Variants in NR3C2 observed in about 807,000 individuals in gnomAD.
NR3C2 encodes the protein nuclear receptor subfamily 3 group C member 2.
Under a neutral mutation model 86.4 loss-of-function variants are expected in NR3C2, and 15 were observed. The observed-to-expected ratio is 0.17, with a 90% CI of 0.12 to 0.27. NR3C2 has a LOEUF of 0.27. Ranked by LOEUF, NR3C2 falls within the 10% of genes least tolerant of loss-of-function variation. The pLI, the probability that NR3C2 is intolerant of heterozygous loss-of-function variation, is 1.00. For missense variants in NR3C2, 960 were observed against 1,195.6 expected, an observed-to-expected ratio of 0.80 and a Z score of 2.91; for synonymous variants, 458 against 450.5, an observed-to-expected ratio of 1.02 and a Z score of -0.21.
chr4:148,432,799 C>T (rs553069322), intron 2 of NR3C2, among the ~76,000 whole-genome samples: 6 of 152,196 alleles, frequency 3.9e-5, no homozygotes, highest in Admixed American at 3.9e-4. Context: ...GTAGACTGAA[C>T]TCTAGAAAAA....
intron 4 of NR3C2, among the ~76,000 whole-genome samples, chr4:148,171,671 C>A (rs183754149): frequency 6.6e-6 from 1 of 152,220 alleles, no homozygotes; most frequent in Non-Finnish European, 1.5e-5. Flanking sequence ...TCCTGCTGTG[C>A]GGCCCAGTTC....
intron 2 of NR3C2, among the ~76,000 whole-genome samples, chr4:148,291,239 AT>A (rs910477664): frequency 4.6e-5 from 7 of 151,422 alleles, no homozygotes; most frequent in African/African-American, 7.3e-5. Flanking sequence ...ATGACTTAGG[AT>A]TTTTTTTTCC....
intron 6 of NR3C2, among the ~76,000 whole-genome samples, chr4:148,141,487 G>A (rs1296148116): frequency 1.3e-5 from 2 of 151,568 alleles, no homozygotes; most frequent in Admixed American, 1.3e-4. Flanking sequence ...TAGACACTAT[G>A]GATAACTTTA....
intron 6 of NR3C2, among the ~76,000 whole-genome samples, chr4:148,151,394 G>A (rs938412298): frequency 1.3e-5 from 2 of 152,166 alleles, no homozygotes; most frequent in Non-Finnish European, 2.9e-5. Context: ...AATTGTGCAA[G>A]TCAGTTGTTT....
chr4:148,204,054 C>T (rs936913598), intron 3 of NR3C2, among the ~76,000 whole-genome samples: 1 of 152,126 alleles, frequency 6.6e-6, no homozygotes, highest in Admixed American at 6.5e-5. Flanking sequence ...AAAATTCCCA[C>T]ATAAACATTC....
intron 8 of NR3C2, among the ~76,000 whole-genome samples, chr4:148,112,279 G>T (rs575628091): frequency 2.6e-5 from 4 of 152,182 alleles, no homozygotes; most frequent in African/African-American, 7.2e-5. Context: ...CATGGAAATT[G>T]TTTCAGAATG....
intron 4 of NR3C2, among the ~76,000 whole-genome samples, chr4:148,181,752 CT>C (rs1271217439): frequency 6.6e-6 from 1 of 152,156 alleles, no homozygotes; most frequent in Non-Finnish European, 1.5e-5. Flanking sequence ...TTCAATTTAT[CT>C]GTTGACATTC....
intron 3 of NR3C2, among the ~76,000 whole-genome samples, chr4:148,202,570 A>G (rs904022458): frequency 2.0e-5 from 3 of 152,092 alleles, no homozygotes; most frequent in African/African-American, 7.2e-5. Flanking sequence ...TTTACTCCCA[A>G]ATGTTGATGT....
rs13105361 is a variant in NR3C2 at position 148,260,405 on chromosome 4, T to C, written c.1758-288A>G. 0.18 allele frequency among the ~76,000 whole-genome samples: 27,105 copies of C among 152,178 alleles called. 3,096 individuals carry two copies. The highest frequency in any genetic ancestry group is 0.48 in the East Asian group (2,452 of 5,162). Reference sequence around the variant, plus strand: ...TTTTTGGAGAAGGTTTATCAAAAAATCACACTATTTGCACTTTAAGTGGGC... The same window carrying C: ...TTTTTGGAGAAGGTTTATCAAAAAACCACACTATTTGCACTTTAAGTGGGC... On this transcript the variant is annotated intron_variant, in intron 2 of 8. Transcript: ENST00000358102.
chr4:148,215,292 C>A (rs1332379026), intron 3 of NR3C2, among the ~76,000 whole-genome samples: 3 of 152,214 alleles, frequency 2.0e-5, no homozygotes, highest in Non-Finnish European at 1.5e-5. Context: ...TTAAAATTGA[C>A]ACTCAGTTCT....
At chr4:148,345,739 T>C (rs558287021) in intron 2 of NR3C2, among the ~76,000 whole-genome samples, 52 of 151,622 alleles carry the variant, frequency 3.4e-4, no homozygotes, top group African/African-American at 1.3e-3. Context: ...ACTTTAATAC[T>C]GTGTTCTTTC....
chr4:148,408,153 A>C (rs1748511593), intron 2 of NR3C2, among the ~76,000 whole-genome samples: 1 of 152,166 alleles, frequency 6.6e-6, no homozygotes, highest in African/African-American at 2.4e-5. Flanking sequence ...TAGCTATCAC[A>C]TTTGAACTAG....
At position 148,154,509 on chromosome 4, in the gene NR3C2, T is replaced by C. The variant is rs765332769; in HGVS notation, c.2365+42A>G. On this transcript the variant is annotated intron_variant, in intron 5 of 8. Coordinates refer to ENST00000358102, the MANE Select transcript of NR3C2 (RefSeq NM_000901.5). ...TGGCGAAGTCAGTTGCCCAGACTTGTTAAGTTCAGGATGCAGCCTGTGAAA... is the reference window on the plus strand; with the variant it reads ...TGGCGAAGTCAGTTGCCCAGACTTGCTAAGTTCAGGATGCAGCCTGTGAAA... 5.7e-6 allele frequency: 9 copies of C among 1,588,364 alleles called. No homozygotes were observed. The South Asian group carries it at 9.9e-5, about 18-fold the overall frequency.
chr4:148,432,458 G>A (rs1749838899), intron 2 of NR3C2, among the ~76,000 whole-genome samples: 1 of 152,088 alleles, frequency 6.6e-6, no homozygotes, highest in Non-Finnish European at 1.5e-5. Flanking sequence ...ATTGATCTGT[G>A]TTCCATTTTG....
intron 3 of NR3C2, among the ~76,000 whole-genome samples, chr4:148,198,785 TA>T (rs1386216741): frequency 1.7e-4 from 25 of 148,010 alleles, no homozygotes; most frequent in Admixed American, 1.3e-4. Context: ...TTAGCTCACT[TA>T]AAAAAAAAAT....
chr4:148,214,290 C>T (rs1160649782), intron 3 of NR3C2, among the ~76,000 whole-genome samples: 1 of 152,052 alleles, frequency 6.6e-6, no homozygotes, highest in Non-Finnish European at 1.5e-5. Context: ...GGGCCTTAAG[C>T]TAAGAAAGAT....
rs185858685 is a variant in NR3C2 at position 148,333,702 on chromosome 4, A to G, written c.1758-73585T>C. 2.0e-5 allele frequency among the ~76,000 whole-genome samples: 3 copies of G among 152,278 alleles called. No individual in the cohort carries two copies. The East Asian group carries it at 5.8e-4, about 29-fold the overall frequency. ...ACTGAACCTACCCCTAGCTGATATA[A>G]AATCAAGAAAAGCAAGGCAGTATTA... On this transcript the variant is annotated intron_variant, in intron 2 of 8. Coordinates refer to ENST00000358102, the MANE Select transcript of NR3C2 (RefSeq NM_000901.5).
intron 2 of NR3C2, among the ~76,000 whole-genome samples, chr4:148,356,899 C>CTGTGTGTGTGTG (rs67285458): frequency 4.0e-4 from 60 of 149,066 alleles, no homozygotes; most frequent in Non-Finnish European, 5.5e-4. Context: ...CTAAGCACGA[C>CTGTGTGTGTGTG]TGTGTGTGTG....
At chr4:148,221,677 G>C (rs926942957) in intron 3 of NR3C2, among the ~76,000 whole-genome samples, 1 of 152,120 alleles carries the variant, frequency 6.6e-6, no homozygotes, top group East Asian at 1.9e-4. Flanking sequence ...TGGATCACTT[G>C]AGGCCAGGAA....
Sources: gnomAD v4.1 joint callset for allele counts (sites outside exome capture counted in the v4.1 genomes callset) on GRCh38, gnomAD v4.1.1 for gene constraint, MANE v1.5 for transcripts, NCBI Gene and HGNC (gene_info 2026-07-23, HGNC 2026-07-21) for gene names.